The following NEFM variants were observed in gnomAD, a reference collection of about 807,000 sequenced individuals.
NEFM encodes the protein neurofilament medium chain.
In NEFM, 16 loss-of-function variants were observed where a neutral mutation model predicts 48.1. The ratio of observed to expected loss-of-function variants is 0.33; its 90% CI spans 0.23 to 0.51. The LOEUF is 0.51. NEFM is among the 20% of genes least tolerant of loss of function. The pLI is 0.98. For synonymous variants in NEFM, 465 were observed against 456.9 expected (o/e 1.02, Z -0.23); for missense variants, 1,107 against 1,136.0 (o/e 0.97, Z 0.37).
rs1802624656 is a variant in NEFM, at chr8:24,918,870, A to G, written c.*264A>G. 1 of 498,636 alleles carries G rather than the reference A, an allele frequency of 2.0e-6. No homozygotes were observed. The highest frequency in any genetic ancestry group is 3.6e-6 in the Non-Finnish European group (1 of 275,500). 30.9% of individuals were successfully genotyped at this position (498,636 alleles called of 1,614,324 possible). A position where few individuals can be genotyped will look rare whatever the true frequency, so the allele number is the denominator to read the frequency against. The stretch of plus-strand genomic sequence containing the variant: ...GTCACTTAAGGGGGGATGTCTTGAG[A>G]TGTATTATGCAAAGTACCAACTGAG... On this transcript the variant is annotated 3_prime_UTR_variant, in exon 3 of 3. Transcript: ENST00000221166.
intron 1 of NEFM, 40 bp downstream of exon 1, chr8:24,914,913 A>C (rs979902271): frequency 6.5e-7 from 1 of 1,543,288 alleles, no homozygotes; most frequent in Admixed American, 2.0e-5. Flanking sequence ...CGCCAGCGCC[A>C]GCGCCGCGCG....
In NEFM at chr8:24,917,514, C is replaced by T. The variant is rs1433827787; in HGVS notation, c.1659C>T (p.Ser553=). Residue 553 remains serine (S), a synonymous_variant, in exon 3 of 3, where the codon TCC becomes TCT. Transcript: ENST00000221166. ...AKSDQAEEGG[S]EKEGSSEKEE... ...CAGACCAAGCCGAAGAGGGAGGATC[C>T]GAGAAGGAAGGCTCTAGTGAAAAAG... 22 of 1,554,984 alleles carry T rather than the reference C, an allele frequency of 1.4e-5. 1 individual carries two copies. The highest frequency in any genetic ancestry group is 9.5e-5 in the South Asian group (8 of 84,556).
At position 24,914,893 on chromosome 8, in the gene NEFM, G is replaced by A; in HGVS notation, c.1080+20G>A. The A allele has an allele frequency of 3.8e-6, 6 of 1,568,700 alleles. No individual in the cohort carries two copies. Among genetic ancestry groups the A allele is most frequent in the Non-Finnish European group, 5.2e-6 (6 of 1,161,492 alleles). ...TACCAGGTAGGAACCGCGGCTGCGC[G>A]GCCAGCCTGCGCCAGCGCCAGCGCC... On this transcript the variant is annotated intron_variant, in intron 1 of 2. Coordinates refer to ENST00000221166, the MANE Select transcript of NEFM (RefSeq NM_005382.2).
chr8:24,918,307 G>GAA lies in NEFM; in HGVS notation c.2456_2457dup (p.Gly820LysfsTer16). 1 of 1,613,450 alleles carries GAA rather than the reference G, an allele frequency of 6.2e-7. No homozygotes were observed. Among genetic ancestry groups the GAA allele is most frequent in the Non-Finnish European group, 8.5e-7 (1 of 1,179,732 alleles). On this transcript the variant is annotated frameshift_variant, in exon 3 of 3. Transcript: ENST00000221166. LOFTEE classifies it high-confidence loss of function. ...AGAGGAGGTAGAGCAGGAGACCAAG[G>GAA]AAAAAGGCAGTGGGAGGGAAGAGGA...
Position 24,914,405 on chromosome 8 carries a change from C to T in NEFM, c.612C>T (p.Arg204=). The stretch of plus-strand genomic sequence containing the variant: ...GCGACGACACTGAGGCGGCCATCCG[C>T]GCGCTGCGCAAAGACATCGAGGAGG... ...RLRDDTEAAI[R]ALRKDIEEAS... The change falls in exon 1 of 3, where the codon CGC becomes CGT. Residue 204 remains arginine (R), a synonymous_variant. Coordinates refer to ENST00000221166, the MANE Select transcript of NEFM (RefSeq NM_005382.2). 6.2e-7 allele frequency: 1 copy of T among 1,613,590 alleles called. No homozygotes were observed. The highest frequency in any genetic ancestry group is 8.5e-7 in the Non-Finnish European group (1 of 1,179,982).
chr8:24,915,643 A>G lies in NEFM; in HGVS notation c.1119A>G (p.Thr373=), dbSNP rs771228026. 41 of 1,613,984 alleles carry G rather than the reference A, an allele frequency of 2.5e-5. No individual in the cohort carries two copies. In the Middle Eastern group the frequency reaches 4.9e-4, roughly 19 times the overall value. ...AGCTGGAAAATGAGCTTCGGGGCAC[A>G]AAGTGGGAAATGGCTCGTCATTTGC... ...IQQLENELRG[T]KWEMARHLRE... Residue 373 remains threonine (T), a synonymous_variant, in exon 2 of 3, where the codon ACA becomes ACG. Coordinates refer to ENST00000221166, the MANE Select transcript of NEFM (RefSeq NM_005382.2).
In NEFM at chr8:24,914,152, A is replaced by G; in HGVS notation, c.359A>G (p.His120Arg). The G allele has an allele frequency of 1.9e-6, 3 of 1,612,966 alleles. No individual in the cohort carries two copies. Among genetic ancestry groups the G allele is most frequent in the Non-Finnish European group, 2.5e-6 (3 of 1,179,812 alleles). ...DRFAGYIEKV[H>R]YLEQQNKEIE... ...TTTGCCGGCTACATAGAGAAGGTGC[A>G]CTACCTGGAGCAGCAGAATAAGGAG... is the stretch of plus-strand genomic sequence containing the variant. Residue 120 changes from histidine to arginine, a missense_variant, in exon 1 of 3, where the codon CAC (histidine) becomes CGC (arginine). Coordinates refer to ENST00000221166, the MANE Select transcript of NEFM (RefSeq NM_005382.2).
At position 24,914,893 on chromosome 8, in the gene NEFM, GGCC is replaced by G. The variant is rs1474333588; in HGVS notation, c.1080+21_1080+23del. On this transcript the variant is annotated intron_variant, in intron 1 of 2. Transcript: ENST00000221166. ...TACCAGGTAGGAACCGCGGCTGCGC[GGCC>G]AGCCTGCGCCAGCGCCAGCGCCGCG... is the stretch of plus-strand genomic sequence containing the variant. 12 of 1,568,592 alleles carry G rather than the reference GGCC, an allele frequency of 7.7e-6. No individual in the cohort carries two copies. The highest frequency in any genetic ancestry group is 1.4e-5 in the African/African-American group (1 of 73,814).
chr8:24,918,500 A>C lies in NEFM; in HGVS notation c.2645A>C (p.Lys882Thr). 6.2e-7 allele frequency: 1 copy of C among 1,614,052 alleles called. No homozygotes were observed. The highest frequency in any genetic ancestry group is 8.5e-7 in the Non-Finnish European group (1 of 1,179,966). ...YITKSVTVTQ[K>T]VEEHEETFEE... ...ACTAAATCTGTAACCGTCACTCAAA[A>C]GGTTGAAGAGCATGAAGAGACCTTT... The change falls in exon 3 of 3, where the codon AAG becomes ACG. Residue 882 changes from lysine (K) to threonine (T), a missense_variant. Transcript: ENST00000221166.
chr8:24,917,211 T>C lies in NEFM; in HGVS notation c.1356T>C (p.Phe452=), dbSNP rs1245459829. 4 of 1,613,968 alleles carry C rather than the reference T, an allele frequency of 2.5e-6. No homozygotes were observed. The change falls in exon 3 of 3, where the codon TTT becomes TTC. Residue 452 remains phenylalanine, a synonymous_variant. Transcript: ENST00000221166. ...EAPKLKVQHK[F]VEEIIEETKV... ...CCAAGCTTAAGGTCCAACACAAATT[T>C]GTCGAGGAGATCATAGAGGAAACCA...
At position 24,917,991 on chromosome 8, in the gene NEFM, T is replaced by C. The variant is rs1438695972; in HGVS notation, c.2136T>C (p.Ala712=). The C allele has an allele frequency of 6.2e-7, 1 of 1,606,174 alleles. No individual in the cohort carries two copies. The highest frequency in any genetic ancestry group is 2.2e-5 in the East Asian group (1 of 44,764). The change falls in exon 3 of 3, where the codon GCT becomes GCC. Residue 712 remains alanine, a synonymous_variant. Coordinates refer to ENST00000221166, the MANE Select transcript of NEFM (RefSeq NM_005382.2). ...AAGAAGAAAAGGAAGTCAAGGAAGCTCCCAAGGAAGAGAAGGTAGAGAAAA... is the reference window on the plus strand; with the variant it reads ...AAGAAGAAAAGGAAGTCAAGGAAGCCCCCAAGGAAGAGAAGGTAGAGAAAA... The part of the protein sequence containing the change: ...KEEEEKEVKE[A]PKEEKVEKKE...
At chr8:24,915,540 T>G (rs1481040282) in intron 1 of NEFM, 65 bp from the exon 2 acceptor site, 7 of 1,608,612 alleles carry the variant, frequency 4.4e-6, no homozygotes, top group Non-Finnish European at 6.0e-6. Flanking sequence ...GGGTAGCAAG[T>G]GGTTTGCGAA....
rs761844128 is a variant in NEFM, at chr8:24,914,668, T to A, written c.875T>A (p.Phe292Tyr). The A allele has an allele frequency of 1.2e-6, 2 of 1,613,992 alleles. No individual in the cohort carries two copies. Among genetic ancestry groups the A allele is most frequent in the Non-Finnish European group, 1.7e-6 (2 of 1,180,042 alleles). Reference sequence around the variant, plus strand: ...AATATGCACCAGGCCGAAGAGTGGTTCAAATGCCGCTACGCCAAGCTCACC... The same window carrying A: ...AATATGCACCAGGCCGAAGAGTGGTACAAATGCCGCTACGCCAAGCTCACC... ...DQNMHQAEEW[F>Y]KCRYAKLTEA... is the part of the protein sequence containing the mutation. The change falls in exon 1 of 3, where the codon TTC (phenylalanine) becomes TAC (tyrosine). Residue 292 changes from phenylalanine to tyrosine, a missense_variant. Physicochemically the swap from Phe to Tyr is conservative, Grantham distance 22. Transcript: ENST00000221166.
In NEFM at chr8:24,913,934, C is replaced by G. The variant is rs201628186; in HGVS notation, c.141C>G (p.Thr47=). The change falls in exon 1 of 3, where the codon ACC becomes ACG. Residue 47 remains threonine, a synonymous_variant. Transcript: ENST00000221166. ...CGTGGTCCCGCGGCTCGCCCAGCAC[C>G]GTGTCCTCCTCCTATAAGCGCAGCA... ...SQSWSRGSPS[T]VSSSYKRSML... 2.7e-5 allele frequency: 43 copies of G among 1,611,426 alleles called. No homozygotes were observed. The highest frequency in any genetic ancestry group is 3.1e-5 in the Non-Finnish European group (37 of 1,179,416).
At chr8:24,915,121 A>C in intron 1 of NEFM, 1 of 1,354,360 alleles carries the variant, frequency 7.4e-7, no homozygotes, top group South Asian at 1.8e-5. Context: ...CATCTTTTCC[A>C]GTTCTAATTT....
intron 1 of NEFM, chr8:24,915,111 C>T: frequency 7.4e-7 from 1 of 1,357,696 alleles, no homozygotes; most frequent in South Asian, 1.8e-5. Flanking sequence ...CAGAAACGTG[C>T]ATCTTTTCCA....
In NEFM at chr8:24,917,358, TGAA is replaced by T. The variant is rs746544136; in HGVS notation, c.1514_1516del (p.Glu505del). On this transcript the variant is annotated inframe_deletion, in exon 3 of 3. Coordinates refer to ENST00000221166, the MANE Select transcript of NEFM (RefSeq NM_005382.2). ...AAGAAAAGGAAGAGGAACCCGAAGC[TGAA>T]GAAGAAGAAGTAGCTGCCAAAAAGT... 38 of 1,601,894 alleles carry T rather than the reference TGAA, an allele frequency of 2.4e-5. No individual in the cohort carries two copies. Among genetic ancestry groups the T allele is most frequent in the African/African-American group, 1.5e-4 (11 of 74,330 alleles).
At chr8:24,915,483 G>A in intron 1 of NEFM, 122 bp from the exon 2 acceptor site, 1 of 1,483,522 alleles carries the variant, frequency 6.7e-7, no homozygotes, top group South Asian at 1.2e-5. Context: ...TCAGGTGTCA[G>A]CGAGGTTTGC....
rs150761894 is a variant in NEFM, at chr8:24,918,280, A to G, written c.2425A>G (p.Lys809Glu). 1.5e-5 allele frequency: 24 copies of G among 1,605,284 alleles called. No homozygotes were observed. In the African/African-American group the frequency reaches 2.9e-4, roughly 20 times the overall value. Residue 809 changes from lysine to glutamate, a missense_variant, in exon 3 of 3, where the codon AAA (lysine) becomes GAA (glutamate). By Grantham distance (56) the Lys-to-Glu change is moderately conservative (BLOSUM62 1). This residue lies in a region of NEFM where 917 missense variants were observed against 916.4 expected (regional missense o/e 1.00). Transcript: ENST00000221166. ...AGCTGTCAATGGGGAGGTAGAAGGAAAAGAGGAGGTAGAGCAGGAGACCAA... is the reference window on the plus strand; with the variant it reads ...AGCTGTCAATGGGGAGGTAGAAGGAGAAGAGGAGGTAGAGCAGGAGACCAA... ...DIAVNGEVEG[K>E]EEVEQETKEK...
Sources: gnomAD v4.1 joint callset for allele counts on GRCh38, gnomAD v4.1.1 for gene constraint, gnomAD v4.1.1 regional missense constraint, MANE v1.5 for transcripts, NCBI Gene and HGNC (gene_info 2026-07-23, HGNC 2026-07-21) for gene names.